CSMD1: variants seen among roughly 807,000 people sequenced by gnomAD.
The protein encoded by CSMD1 is CUB and Sushi multiple domains 1.
CSMD1 carries 213 observed loss-of-function variants against 417.5 expected under a neutral mutation model. The ratio of observed to expected loss-of-function variants is 0.51; its 90% confidence interval spans 0.46 to 0.57. CSMD1 has a LOEUF of 0.57. CSMD1 is among the 20% of genes least tolerant of loss of function. The pLI is 0.00. For synonymous variants in CSMD1, 2,862 were observed against 1,736.8 expected, an observed-to-expected ratio of 1.65 and a Z score of -16.11; for missense variants, 6,923 against 4,529.7, an observed-to-expected ratio of 1.53 and a Z score of -15.17.
At chr8:4,816,419 C>T (rs750795501) in intron 1 of CSMD1, among the ~76,000 whole-genome samples, 7 of 151,916 alleles carry the variant, frequency 4.6e-5, no homozygotes, top group Non-Finnish European at 7.4e-5. Flanking sequence ...GGAGTGAGGG[C>T]GGTTCACCAT....
chr8:3,464,750 A>G (rs1458390329), intron 12 of CSMD1, among the ~76,000 whole-genome samples: 1 of 152,022 alleles, frequency 6.6e-6, no homozygotes, highest in Non-Finnish European at 1.5e-5. Context: ...ATATGGCTCT[A>G]TCATAATTAA....
At chr8:4,432,840 G>A (rs1797943612) in intron 2 of CSMD1, among the ~76,000 whole-genome samples, 2 of 152,192 alleles carry the variant, frequency 1.3e-5, no homozygotes, top group African/African-American at 4.8e-5. Flanking sequence ...TTAGCACTCT[G>A]TTGTATACCA....
At chr8:3,392,017 A>T (rs1052843238) in intron 17 of CSMD1, among the ~76,000 whole-genome samples, 1 of 150,836 alleles carries the variant, frequency 6.6e-6, no homozygotes, top group Non-Finnish European at 1.5e-5. Context: ...CAAAAAACCA[A>T]ACACCTCATG....
intron 3 of CSMD1, among the ~76,000 whole-genome samples, chr8:4,150,733 A>T (rs1024080067): frequency 6.6e-6 from 1 of 152,222 alleles, no homozygotes; most frequent in Non-Finnish European, 1.5e-5. Flanking sequence ...AATGCAGATT[A>T]AAAAGGAATT....
Position 3,839,603 on chromosome 8 carries a change from T to C in CSMD1, c.819-85561A>G, listed in dbSNP as rs1307196019. Among the ~76,000 whole-genome samples the C allele has an allele frequency of 2.9e-5, 4 of 137,806 alleles. No individual in the cohort carries two copies. The East Asian group carries it at 8.0e-4, about 28-fold the overall frequency. The allele number at this position is 137,806 out of a possible 152,430, so 90.4% of individuals were successfully genotyped here. A position where few individuals can be genotyped will look rare whatever the true frequency, so the allele number is the denominator to read the frequency against. On this transcript the variant is annotated intron_variant, in intron 5 of 69. Transcript: ENST00000635120. ...ATTATATATATTAATATGATATATA[T>C]AGTTGCCCACTGCACTCCAGCCTGG...
At chr8:3,422,632 G>A (rs1248174015) in intron 12 of CSMD1, among the ~76,000 whole-genome samples, 3 of 152,172 alleles carry the variant, frequency 2.0e-5, no homozygotes, top group African/African-American at 2.4e-5. Flanking sequence ...AATCAAGTGG[G>A]AAATAAATTA....
chr8:3,751,619 T>C (rs1038810427), intron 6 of CSMD1, among the ~76,000 whole-genome samples: 3 of 151,470 alleles, frequency 2.0e-5, no homozygotes, highest in African/African-American at 7.3e-5. Context: ...CTCTATATAA[T>C]ACTTTCATTA....
At chr8:4,215,391 G>T (rs898919492) in intron 3 of CSMD1, among the ~76,000 whole-genome samples, 1 of 152,128 alleles carries the variant, frequency 6.6e-6, no homozygotes, top group Non-Finnish European at 1.5e-5. Flanking sequence ...ATGAATAACA[G>T]ATTCAGGCAA....
intron 8 of CSMD1, among the ~76,000 whole-genome samples, chr8:3,615,707 T>A (rs907819825): frequency 1.4e-4 from 22 of 152,212 alleles, no homozygotes; most frequent in African/African-American, 4.8e-4. Context: ...TAGCAGTACT[T>A]TTCTTCCATT....
intron 3 of CSMD1, among the ~76,000 whole-genome samples, chr8:4,231,775 C>G (rs1801749185): frequency 1.3e-5 from 2 of 152,136 alleles, no homozygotes; most frequent in Non-Finnish European, 2.9e-5. Context: ...ATGCCACAGC[C>G]TCAGTCCCCA....
chr8:3,988,915 T>C (rs548162486), intron 5 of CSMD1, among the ~76,000 whole-genome samples: 2 of 152,298 alleles, frequency 1.3e-5, no homozygotes, highest in South Asian at 2.1e-4. Context: ...GTTTTAAAAG[T>C]TGAGTGGAGA....
chr8:3,488,986 T>C (rs1387459285), intron 11 of CSMD1, among the ~76,000 whole-genome samples: 2 of 152,194 alleles, frequency 1.3e-5, no homozygotes, highest in Admixed American at 6.5e-5. Flanking sequence ...ACATCAATTG[T>C]TTATGCTTTC....
At chr8:4,972,710 T>A (rs904282481) in intron 1 of CSMD1, among the ~76,000 whole-genome samples, 1 of 141,936 alleles carries the variant, frequency 7.0e-6, no homozygotes, top group African/African-American at 2.6e-5. Context: ...AACTTTTGCT[T>A]TAGGTAAGAA....
intron 6 of CSMD1, among the ~76,000 whole-genome samples, chr8:3,732,355 T>A (rs911350198): frequency 1.3e-5 from 2 of 152,168 alleles, no homozygotes; most frequent in Non-Finnish European, 2.9e-5. Flanking sequence ...CTCACCATAG[T>A]AAACCAATGA....
chr8:4,118,902 T>C (rs1012778163), intron 3 of CSMD1, among the ~76,000 whole-genome samples: 7 of 152,238 alleles, frequency 4.6e-5, no homozygotes, highest in Non-Finnish European at 8.8e-5. Flanking sequence ...CATGGAATAC[T>C]ATGCAGCCAT....
chr8:4,862,835 C>T (rs1445291528), intron 1 of CSMD1, among the ~76,000 whole-genome samples: 2 of 151,960 alleles, frequency 1.3e-5, no homozygotes, highest in Non-Finnish European at 2.9e-5. Context: ...TGAAGACCTC[C>T]CAAGTGTGAC....
chr8:3,476,285 T>C (rs1228701248), intron 11 of CSMD1, among the ~76,000 whole-genome samples: 1 of 152,248 alleles, frequency 6.6e-6, no homozygotes, highest in Non-Finnish European at 1.5e-5. Flanking sequence ...GTTGTGTGTA[T>C]CAGTAGTTTG....
At chr8:3,294,349 C>T (rs1243403779) in intron 25 of CSMD1, among the ~76,000 whole-genome samples, 1 of 152,214 alleles carries the variant, frequency 6.6e-6, no homozygotes, top group Non-Finnish European at 1.5e-5. Flanking sequence ...CTCTTCAAAG[C>T]TGTCAGACAG....
intron 4 of CSMD1, among the ~76,000 whole-genome samples, chr8:4,006,909 G>C (rs1341654616): frequency 3.7e-5 from 5 of 133,722 alleles, no homozygotes; most frequent in African/African-American, 8.6e-5. Context: ...CTCACTGCAA[G>C]CTCCGCCTCC....
Sources: gnomAD v4.1 joint callset for allele counts (sites outside exome capture counted in the v4.1 genomes callset) on GRCh38, gnomAD v4.1.1 for gene constraint, MANE v1.5 for transcripts, NCBI Gene and HGNC (gene_info 2026-07-23, HGNC 2026-07-21) for gene names.